The following GRHL2 variants were observed in gnomAD, a reference collection of about 807,000 sequenced individuals.
GRHL2 encodes grainyhead like transcription factor 2.
GRHL2 carries 21 observed loss-of-function variants against 83.8 expected under a neutral mutation model. The observed-to-expected ratio is 0.25, with a 90% CI of 0.18 to 0.36. The LOEUF is 0.36. Ranked by LOEUF, GRHL2 falls within the 10% of genes least tolerant of loss-of-function variation. The pLI, the probability that GRHL2 is intolerant of heterozygous loss-of-function variation, is 1.00. For missense variants in GRHL2, 623 were observed against 781.8 expected, an observed-to-expected ratio of 0.80 and a Z score of 2.42; for synonymous variants, 280 against 278.9, an observed-to-expected ratio of 1.00 and a Z score of -0.04.
chr8:101,677,484 A>G, the GRHL2 span, among the ~76,000 whole-genome samples: 1 of 150,680 alleles, frequency 6.6e-6, no homozygotes, highest in South Asian at 2.1e-4. Context: ...CTGCCACTAA[A>G]CACTGAACAG....
chr8:101,502,520 G>A (rs1039390246), intron 1 of GRHL2, among the ~76,000 whole-genome samples: 2 of 152,180 alleles, frequency 1.3e-5, no homozygotes, highest in East Asian at 3.9e-4. Context: ...GCGGACTCCC[G>A]CACAGCCTTG....
At chr8:101,551,102 T>G (rs1811371843) in intron 2 of GRHL2, among the ~76,000 whole-genome samples, 1 of 152,218 alleles carries the variant, frequency 6.6e-6, no homozygotes, top group Admixed American at 6.5e-5. Context: ...TATGTTTATC[T>G]GTCATCTCCA....
intron 1 of GRHL2, among the ~76,000 whole-genome samples, chr8:101,531,964 G>A (rs1365714598): frequency 6.6e-6 from 1 of 152,216 alleles, no homozygotes; most frequent in Non-Finnish European, 1.5e-5. Flanking sequence ...ACTTTATGTG[G>A]TGGAGGGCAT....
downstream of GRHL2, among the ~76,000 whole-genome samples, chr8:101,674,382 A>G (rs1814259122): frequency 6.6e-6 from 1 of 152,220 alleles, no homozygotes; most frequent in Admixed American, 6.5e-5. Flanking sequence ...GGATGTCACC[A>G]CTGATCCCAC....
chr8:101,623,438 C>T (rs112261086), intron 9 of GRHL2, among the ~76,000 whole-genome samples: 8,627 of 139,680 alleles, frequency 0.062, 653 homozygotes, highest in African/African-American at 0.22. Flanking sequence ...CACAGTAGGA[C>T]AGTACACAGT....
downstream of GRHL2, among the ~76,000 whole-genome samples, chr8:101,673,790 T>G (rs894843644): frequency 1.3e-5 from 2 of 151,946 alleles, no homozygotes; most frequent in Non-Finnish European, 2.9e-5. Context: ...ATTCCAAAAT[T>G]GACCACATAA....
At chr8:101,493,464 G>T (rs1178537701) in intron 1 of GRHL2, among the ~76,000 whole-genome samples, 3 of 138,650 alleles carry the variant, frequency 2.2e-5, no homozygotes, top group Admixed American at 7.3e-5. Flanking sequence ...GTCCGCCCCC[G>T]CATTGTTTGG....
At chr8:101,626,976 CTG>C (rs918690863) in intron 9 of GRHL2, among the ~76,000 whole-genome samples, 2 of 152,010 alleles carry the variant, frequency 1.3e-5, no homozygotes, top group Admixed American at 1.3e-4. Context: ...ACTATCAAAA[CTG>C]TTTTGTCATG....
intron 7 of GRHL2, among the ~76,000 whole-genome samples, chr8:101,580,523 G>T (rs1028021519): frequency 2.6e-5 from 2 of 78,286 alleles, no homozygotes; most frequent in African/African-American, 4.4e-5. Flanking sequence ...CCAAAGTGCT[G>T]GGATTACAGG....
At chr8:101,580,455 C>T (rs888687086) in intron 7 of GRHL2, among the ~76,000 whole-genome samples, 1 of 152,154 alleles carries the variant, frequency 6.6e-6, no homozygotes, top group Admixed American at 6.5e-5. Flanking sequence ...TTCATCCCTC[C>T]CTCCCCGTCA....
In GRHL2 at chr8:101,596,136, A is replaced by AT. The variant is rs560506374; in HGVS notation, c.1004-2921_1004-2920insT. On this transcript the variant is annotated intron_variant, in intron 7 of 15. Transcript: ENST00000646743. Reference sequence around the variant, plus strand: ...CTCCGTCTCAAAAAATAAAAATAAAAAAAATAAAATAAATAAATAAAACAG... The same window carrying AT: ...CTCCGTCTCAAAAAATAAAAATAAAATAAAATAAAATAAATAAATAAAACAG... Among the ~76,000 whole-genome samples, 8 of 151,526 alleles carry AT rather than the reference A, an allele frequency of 5.3e-5. No homozygotes were observed. The South Asian group carries it at 8.3e-4, about 16-fold the overall frequency.
At chr8:101,620,697 G>GC (rs1389431033) in intron 9 of GRHL2, among the ~76,000 whole-genome samples, 2 of 152,242 alleles carry the variant, frequency 1.3e-5, no homozygotes, top group East Asian at 3.9e-4. Context: ...AAGTAATGGG[G>GC]CCACCTGATA....
rs1303305245 is a variant in GRHL2 at position 101,644,118 on chromosome 8, T to G, written c.1518-13T>G. On this transcript the variant is annotated splice_polypyrimidine_tract_variant and intron_variant, in intron 12 of 15. Transcript: ENST00000646743. ...GCTGGTTTTACTTAAGGATTTCTGC[T>G]TATCTTTTCTAGTGGCAGTGTCCTT... 2.5e-6 allele frequency: 4 copies of G among 1,612,042 alleles called. No individual in the cohort carries two copies. In the East Asian group the frequency reaches 6.7e-5, roughly 27 times the overall value.
intron 7 of GRHL2, among the ~76,000 whole-genome samples, chr8:101,592,144 G>GC (rs1458656930): frequency 4.4e-5 from 5 of 113,970 alleles, no homozygotes; most frequent in Non-Finnish European, 8.1e-5. Context: ...TTGCTCTGTC[G>GC]CCCAGGCTGG....
At chr8:101,564,413 G>A (rs1050058030) in intron 4 of GRHL2, among the ~76,000 whole-genome samples, 1 of 152,172 alleles carries the variant, frequency 6.6e-6, no homozygotes, top group African/African-American at 2.4e-5. Flanking sequence ...CAATTCTTCT[G>A]TGTGTATGTG....
chr8:101,600,658 C>T (rs1257646505), intron 8 of GRHL2, among the ~76,000 whole-genome samples: 1 of 152,212 alleles, frequency 6.6e-6, no homozygotes, highest in Non-Finnish European at 1.5e-5. Context: ...CTCTGGGCCT[C>T]GGTTCTGGCA....
At chr8:101,681,200 AGAGAG>A in the GRHL2 span, among the ~76,000 whole-genome samples, 2 of 148,542 alleles carry the variant, frequency 1.3e-5, no homozygotes, top group African/African-American at 2.5e-5. Context: ...AAAGAAGAAA[AGAGAG>A]AAGAATCAAA....
At chr8:101,598,730 G>T (rs994090197) in intron 7 of GRHL2, among the ~76,000 whole-genome samples, 3 of 151,982 alleles carry the variant, frequency 2.0e-5, no homozygotes, top group African/African-American at 4.8e-5. Context: ...GAGCAGGAGG[G>T]AGAGTGGGTA....
chr8:101,656,016 T>A (rs923604132), intron 14 of GRHL2, among the ~76,000 whole-genome samples: 3 of 152,330 alleles, frequency 2.0e-5, no homozygotes, highest in African/African-American at 7.2e-5. Flanking sequence ...CAAGGCTCAC[T>A]TCTTCCAGGC....
Sources: allele counts gnomAD v4.1 joint callset (sites outside exome capture counted in the v4.1 genomes callset), GRCh38; gene constraint gnomAD v4.1.1; transcripts MANE v1.5; gene names NCBI Gene and HGNC (gene_info 2026-07-23, HGNC 2026-07-21).